CNTN4: variants seen among roughly 807,000 people sequenced by gnomAD.
CNTN4 encodes the protein contactin 4.
A neutral mutation model predicts 122.5 loss-of-function variants in CNTN4; 77 were observed. The ratio of observed to expected loss-of-function variants is 0.63; its 90% confidence interval spans 0.52 to 0.76. CNTN4 has a LOEUF of 0.76. CNTN4 is among the 30% of genes least tolerant of loss of function. CNTN4 has a pLI of 0.00. For missense variants in CNTN4, 1,256 were observed against 1,259.1 expected (o/e 1.00, Z 0.04); for synonymous variants, 512 against 447.0 (o/e 1.15, Z -1.83).
At chr3:2,735,954 G>A (rs750150826) in intron 4 of CNTN4, 14 of 584,782 alleles carry the variant, frequency 2.4e-5, no homozygotes, top group South Asian at 8.4e-5. Context: ...AAAGGGAGAC[G>A]TCAAGCAGCC....
intron 2 of CNTN4, among the ~76,000 whole-genome samples, chr3:2,115,346 C>T (rs115208346): frequency 2.0e-4 from 30 of 152,310 alleles, no homozygotes; most frequent in Middle Eastern, 3.4e-3. Flanking sequence ...CTAGTTCTTC[C>T]TTCTATTCCA....
chr3:2,760,685 C>G (rs998245724), intron 6 of CNTN4, among the ~76,000 whole-genome samples: 2 of 152,178 alleles, frequency 1.3e-5, no homozygotes, highest in Admixed American at 6.6e-5. Flanking sequence ...GGACTCTATC[C>G]TACATTCCCT....
At chr3:2,259,516 G>A (rs1339188689) in intron 2 of CNTN4, among the ~76,000 whole-genome samples, 5 of 152,148 alleles carry the variant, frequency 3.3e-5, no homozygotes, top group Admixed American at 1.3e-4. Flanking sequence ...AAGAAAAAGC[G>A]GTTTAATGGA....
intron 3 of CNTN4, among the ~76,000 whole-genome samples, chr3:2,466,186 A>G (rs899225724): frequency 6.6e-6 from 1 of 152,224 alleles, no homozygotes; most frequent in Non-Finnish European, 1.5e-5. Flanking sequence ...ATTAGGATGC[A>G]TTATTCTGTT....
rs969016723 is a variant in CNTN4, at chr3:2,866,593, C to T, written c.455-159C>T. 3.8e-5 allele frequency: 43 copies of T among 1,132,066 alleles called. No individual in the cohort carries two copies. The African/African-American group carries it at 6.2e-4, about 16-fold the overall frequency. 70.1% of individuals were successfully genotyped at this position (1,132,066 alleles called of 1,614,324 possible). On this transcript the variant is annotated intron_variant, in intron 7 of 24. Coordinates refer to ENST00000418658, the MANE Select transcript of CNTN4 (RefSeq NM_175607.3). ...GATAGTAGAAAGGCTGGTAAAATGC[C>T]ACGGGGGACTGTGATTACTTCCTAT...
intron 3 of CNTN4, among the ~76,000 whole-genome samples, chr3:2,502,999 A>G (rs549168364): frequency 4.5e-4 from 69 of 152,284 alleles, no homozygotes; most frequent in African/African-American, 1.6e-3. Flanking sequence ...TTACTGAAAC[A>G]TTTTTGGAGA....
chr3:2,840,506 C>T (rs1272936595), intron 7 of CNTN4, among the ~76,000 whole-genome samples: 6 of 133,580 alleles, frequency 4.5e-5, no homozygotes, highest in East Asian at 4.7e-4. Context: ...CGAGACCATC[C>T]TGGCTAACAC....
At chr3:2,456,509 C>T (rs1347997891) in intron 3 of CNTN4, among the ~76,000 whole-genome samples, 1 of 152,110 alleles carries the variant, frequency 6.6e-6, no homozygotes, top group African/African-American at 2.4e-5. Context: ...TAAGGAGTTA[C>T]TCAGCATTCC....
chr3:2,312,837 G>T lies in CNTN4; in HGVS notation c.-144-26341G>T, dbSNP rs1412494532. 6.6e-5 allele frequency among the ~76,000 whole-genome samples: 10 copies of T among 151,968 alleles called. No individual in the cohort carries two copies. In the South Asian group the frequency reaches 1.0e-3, roughly 16 times the overall value. ...TTTACGTGTATGTTTCTGTGTGTTT[G>T]TGTGGTGGCTTGTATTTATGGATGT... On this transcript the variant is annotated intron_variant, in intron 2 of 24. Coordinates refer to ENST00000418658, the MANE Select transcript of CNTN4 (RefSeq NM_175607.3).
chr3:2,832,012 C>T (rs1367447843), intron 7 of CNTN4, among the ~76,000 whole-genome samples: 2 of 152,206 alleles, frequency 1.3e-5, no homozygotes, highest in Non-Finnish European at 2.9e-5. Context: ...ACTGAGGTAG[C>T]TATGACAGCT....
At chr3:2,171,901 GTCC>G (rs1352421190) in intron 2 of CNTN4, among the ~76,000 whole-genome samples, 1 of 152,126 alleles carries the variant, frequency 6.6e-6, no homozygotes, top group Non-Finnish European at 1.5e-5. Flanking sequence ...TATACCATTG[GTCC>G]TTGGAACAGG....
At chr3:2,707,780 C>T (rs923630240) in intron 4 of CNTN4, among the ~76,000 whole-genome samples, 1 of 151,996 alleles carries the variant, frequency 6.6e-6, no homozygotes, top group Non-Finnish European at 1.5e-5. Context: ...AAGTGCTGCA[C>T]ATACCACCAC....
chr3:2,125,514 C>G (rs1437382426), intron 2 of CNTN4, among the ~76,000 whole-genome samples: 3 of 151,790 alleles, frequency 2.0e-5, no homozygotes, highest in African/African-American at 7.3e-5. Flanking sequence ...GACTTCAATT[C>G]CTTTGGGCAC....
chr3:2,602,256 G>T (rs557854563), intron 4 of CNTN4, among the ~76,000 whole-genome samples: 2 of 152,272 alleles, frequency 1.3e-5, no homozygotes, highest in East Asian at 3.9e-4. Flanking sequence ...AATCAGGCAG[G>T]AGAAAGAAAT....
At chr3:2,857,680 C>T (rs1279308515) in intron 7 of CNTN4, among the ~76,000 whole-genome samples, 3 of 152,136 alleles carry the variant, frequency 2.0e-5, no homozygotes, top group Non-Finnish European at 1.5e-5. Context: ...TGGGCGCAAG[C>T]GATCCTCCCA....
chr3:3,042,831 C>T (rs1262105160), intron 21 of CNTN4, 146 bp from the exon 22 acceptor site: 1 of 707,134 alleles, frequency 1.4e-6, no homozygotes, highest in Non-Finnish European at 2.5e-6. Flanking sequence ...TCAGGATATA[C>T]AGAGTCCTTT....
chr3:2,562,265 G>A (rs1357765121), intron 3 of CNTN4, among the ~76,000 whole-genome samples: 1 of 152,130 alleles, frequency 6.6e-6, no homozygotes, highest in East Asian at 1.9e-4. Flanking sequence ...GGGTACTTGT[G>A]TGGGTTTGTT....
intron 3 of CNTN4, among the ~76,000 whole-genome samples, chr3:2,502,926 A>G (rs1181248332): frequency 6.6e-6 from 1 of 152,176 alleles, no homozygotes; most frequent in Admixed American, 6.5e-5. Flanking sequence ...CAAGAACCTG[A>G]TGAAAACTAT....
chr3:2,470,169 G>A (rs1274976384), intron 3 of CNTN4, among the ~76,000 whole-genome samples: 2 of 151,832 alleles, frequency 1.3e-5, no homozygotes, highest in African/African-American at 4.8e-5. Context: ...AGGTTCAAGC[G>A]AGGTTCAAGC....
Sources: gnomAD v4.1 joint callset for allele counts (sites outside exome capture counted in the v4.1 genomes callset) on GRCh38, gnomAD v4.1.1 for gene constraint, MANE v1.5 for transcripts, NCBI Gene and HGNC (gene_info 2026-07-23, HGNC 2026-07-21) for gene names.